SLIT2: variants seen among roughly 807,000 people sequenced by gnomAD.
SLIT2 encodes slit homolog 2 protein.
SLIT2 carries 41 observed loss-of-function variants against 185.7 expected under a neutral mutation model. That is an observed-to-expected ratio of 0.22 (90% CI 0.17 to 0.29). The LOEUF (loss-of-function observed/expected upper bound fraction) is 0.29, where lower values mean the gene tolerates loss of function less well. Ranked by LOEUF, SLIT2 falls within the 10% of genes least tolerant of loss-of-function variation. SLIT2 has a pLI of 1.00. For synonymous variants in SLIT2, 693 were observed against 680.2 expected (o/e 1.02, Z -0.29); for missense variants, 1,571 against 1,909.0 (o/e 0.82, Z 3.30).
At chr4:20,602,615 T>C (rs1386089198) in intron 33 of SLIT2, among the ~76,000 whole-genome samples, 1 of 152,124 alleles carries the variant, frequency 6.6e-6, no homozygotes, top group East Asian at 1.9e-4. Flanking sequence ...CTGAAGCTCT[T>C]AGCTAGACCC....
At chr4:20,463,489 A>ATATG (rs1357443061) in intron 4 of SLIT2, among the ~76,000 whole-genome samples, 2 of 100,020 alleles carry the variant, frequency 2.0e-5, no homozygotes, top group Admixed American at 1.1e-4. Context: ...ATATATATAT[A>ATATG]TATGTGTGTG....
In SLIT2 at chr4:20,253,648, C is replaced by CGTA; in HGVS notation, c.-168_-167insGTA. ...GGAGAGGGCGGTGGGAGGCGTGTGC[C>CGTA]TGAGTGGGCTCTACTGCCTTGTTCC... On this transcript the variant is annotated 5_prime_UTR_variant, in exon 1 of 37. It adds an upstream start codon to the 5' untranslated region. Coordinates refer to ENST00000504154, the MANE Select transcript of SLIT2 (RefSeq NM_004787.4). 2.9e-6 allele frequency: 2 copies of CGTA among 684,252 alleles called. No homozygotes were observed. Among genetic ancestry groups the CGTA allele is most frequent in the Admixed American group, 3.1e-5 (1 of 32,318 alleles). 42.4% of individuals were successfully genotyped at this position (684,252 alleles called of 1,614,324 possible). A position where few individuals can be genotyped will look rare whatever the true frequency, so the allele number is the denominator to read the frequency against.
intron 22 of SLIT2, among the ~76,000 whole-genome samples, chr4:20,546,611 A>C (rs2148885755): frequency 6.6e-6 from 1 of 152,224 alleles, no homozygotes; most frequent in East Asian, 1.9e-4. Context: ...TGTAGTGTTT[A>C]AGTAAACTTG....
intron 29 of SLIT2, among the ~76,000 whole-genome samples, chr4:20,583,846 TAAAA>T: frequency 6.6e-6 from 1 of 151,448 alleles, no homozygotes; most frequent in African/African-American, 2.4e-5. Context: ...AAAATAAAAA[TAAAA>T]AAGTTAGGTT....
At chr4:20,483,866 A>G (rs1036504850) in intron 6 of SLIT2, among the ~76,000 whole-genome samples, 6 of 152,106 alleles carry the variant, frequency 3.9e-5, no homozygotes, top group Admixed American at 6.6e-5. Context: ...GAAGTTGACC[A>G]TAACCATAAC....
intron 5 of SLIT2, among the ~76,000 whole-genome samples, chr4:20,478,838 A>G (rs1297602826): frequency 2.0e-5 from 3 of 152,054 alleles, no homozygotes; most frequent in Non-Finnish European, 4.4e-5. Context: ...GCACTTTAAA[A>G]TAAAAAAGGC....
At chr4:20,424,745 G>T (rs1458640605) in intron 4 of SLIT2, among the ~76,000 whole-genome samples, 1 of 152,068 alleles carries the variant, frequency 6.6e-6, no homozygotes, top group East Asian at 1.9e-4. Flanking sequence ...TTAACATTCT[G>T]TGAGAGGCCC....
At chr4:20,437,914 CAAAA>C (rs1224604666) in intron 4 of SLIT2, among the ~76,000 whole-genome samples, 3 of 65,610 alleles carry the variant, frequency 4.6e-5, no homozygotes, top group Non-Finnish European at 8.3e-5. Context: ...GACTCCGTCT[CAAAA>C]AAAAAAAAAA....
chr4:20,261,507 T>C (rs1179646774), intron 3 of SLIT2, among the ~76,000 whole-genome samples: 3 of 151,840 alleles, frequency 2.0e-5, no homozygotes, highest in Non-Finnish European at 4.4e-5. Context: ...TGTAAAATTC[T>C]CTTGTTCACA....
Position 20,444,342 on chromosome 4 carries a change from T to C in SLIT2, c.396-23410T>C, listed in dbSNP as rs187245352. ...GTGAACACCCTAATGTGTAAGAATG[T>C]CATCTTGTTTTATTTGTATTCTCCT... On this transcript the variant is annotated intron_variant, in intron 4 of 36. Transcript: ENST00000504154. 3.0e-4 allele frequency among the ~76,000 whole-genome samples: 45 copies of C among 152,276 alleles called. No homozygotes were observed. In the East Asian group the frequency reaches 8.1e-3, roughly 27 times the overall value.
chr4:20,439,360 G>A (rs919236845), intron 4 of SLIT2, among the ~76,000 whole-genome samples: 6 of 152,158 alleles, frequency 3.9e-5, no homozygotes, highest in African/African-American at 1.4e-4. Flanking sequence ...TGTCCACAGG[G>A]TTGTCTCCTT....
In SLIT2 at chr4:20,251,930, G is replaced by T. The variant is rs889909650; in HGVS notation, c.-1886G>T. Among the ~76,000 whole-genome samples, 1 of 152,134 alleles carries T rather than the reference G, an allele frequency of 6.6e-6. No individual in the cohort carries two copies. Among genetic ancestry groups the T allele is most frequent in the East Asian group, 1.9e-4 (1 of 5,168 alleles). On this transcript the variant is annotated 5_prime_UTR_variant, in exon 1 of 37. Coordinates refer to ENST00000504154, the MANE Select transcript of SLIT2 (RefSeq NM_004787.4). ...ACTTGGTGTTATTTATTTGGGAAGC[G>T]CCCGGACGGCGGAGCTTGGCGGCGG... is the stretch of plus-strand genomic sequence containing the variant.
intron 4 of SLIT2, among the ~76,000 whole-genome samples, chr4:20,296,682 G>A (rs1338662372): frequency 6.6e-6 from 1 of 152,128 alleles, no homozygotes; most frequent in Non-Finnish European, 1.5e-5. Context: ...ACTAAATGTG[G>A]CACTTTCTTT....
chr4:20,487,227 T>TTA (rs1271050217), intron 7 of SLIT2, among the ~76,000 whole-genome samples: 1 of 152,162 alleles, frequency 6.6e-6, no homozygotes, highest in African/African-American at 2.4e-5. Flanking sequence ...CCTTGGAATA[T>TTA]TATTTAGCAA....
At chr4:20,287,736 C>T (rs915506926) in intron 4 of SLIT2, among the ~76,000 whole-genome samples, 1 of 152,152 alleles carries the variant, frequency 6.6e-6, no homozygotes, top group African/African-American at 2.4e-5. Context: ...CTCTCTCCTT[C>T]TAGAATTCAA....
chr4:20,268,878 G>A lies in SLIT2; in HGVS notation c.392G>A (p.Arg131Lys). Residue 131 changes from arginine to lysine, a missense_variant, in exon 4 of 37, where the codon AGG becomes AAG. Physicochemically the swap from Arg to Lys is conservative, Grantham distance 26. Transcript: ENST00000504154. ...TTTCTTGGGACTGCGAAGCTATACA[G>A]GCTGTAAGTAGACACAAATAGTTAT... ...LLFLGTAKLY[R>K]LDLSENQIQA... 1 of 1,581,744 alleles carries A rather than the reference G, an allele frequency of 6.3e-7. No individual in the cohort carries two copies. The highest frequency in any genetic ancestry group is 8.7e-7 in the Non-Finnish European group (1 of 1,150,988).
In SLIT2 at chr4:20,491,894, A is replaced by G; in HGVS notation, c.909A>G (p.Thr303=). The change falls in exon 9 of 37, where the codon ACA becomes ACG. Residue 303 remains threonine, a synonymous_variant. Transcript: ENST00000504154. The part of the protein sequence containing the change: ...EIPTNLPETI[T]EIRLEQNTIK... Reference sequence around the variant, plus strand: ...CCACAAATCTTCCAGAGACCATCACAGAAATGTATGTGCCTGAAATTCTTT... The same window carrying G: ...CCACAAATCTTCCAGAGACCATCACGGAAATGTATGTGCCTGAAATTCTTT... The G allele has an allele frequency of 4.3e-6, 7 of 1,612,228 alleles. No individual in the cohort carries two copies. Among genetic ancestry groups the G allele is most frequent in the Non-Finnish European group, 5.9e-6 (7 of 1,179,430 alleles).
At chr4:20,601,802 A>G (rs1432080671) in intron 33 of SLIT2, among the ~76,000 whole-genome samples, 1 of 152,164 alleles carries the variant, frequency 6.6e-6, no homozygotes, top group Non-Finnish European at 1.5e-5. Flanking sequence ...GGTGAAGTAC[A>G]TTTTCAAATT....
At position 20,531,167 on chromosome 4, in the gene SLIT2, G is replaced by A. The variant is rs560817242; in HGVS notation, c.1614-817G>A. Among the ~76,000 whole-genome samples, 63 of 152,170 alleles carry A rather than the reference G, an allele frequency of 4.1e-4. 1 individual carries two copies. In the South Asian group the frequency reaches 6.0e-3, roughly 15 times the overall value. ...CGACAACATATATCCAGGCAGAAAC[G>A]TGCACACCATGTTCATAGCAGCATT... On this transcript the variant is annotated intron_variant, in intron 16 of 36. Transcript: ENST00000504154.
Sources: gnomAD v4.1 joint callset for allele counts (sites outside exome capture counted in the v4.1 genomes callset) on GRCh38, gnomAD v4.1.1 for gene constraint, MANE v1.5 for transcripts, NCBI Gene and HGNC (gene_info 2026-07-23, HGNC 2026-07-21) for gene names.